Variants in MICU2 observed in about 807,000 individuals in gnomAD.
MICU2 encodes calcium uptake protein 2, mitochondrial.
A neutral mutation model predicts 60.4 loss-of-function variants in MICU2; 64 were observed. The ratio of observed to expected loss-of-function variants is 1.06; its 90% CI spans 0.87 to 1.31. The LOEUF (loss-of-function observed/expected upper bound fraction) is 1.31, where lower values mean the gene tolerates loss of function less well. Ranked by LOEUF, MICU2 falls within the 50% of genes most tolerant of loss-of-function variation. The pLI, the probability that MICU2 is intolerant of heterozygous loss-of-function variation, is 0.00. For synonymous variants in MICU2, 201 were observed against 175.0 expected (o/e 1.15, Z -1.17); for missense variants, 569 against 531.0 (o/e 1.07, Z -0.70).
At chr13:21,587,240 TATA>T (rs1888479625) in intron 1 of MICU2, among the ~76,000 whole-genome samples, 1 of 152,154 alleles carries the variant, frequency 6.6e-6, no homozygotes, top group East Asian at 1.9e-4. Context: ...AGTCCGTAGA[TATA>T]AATGAATAAA....
intron 11 of MICU2, among the ~76,000 whole-genome samples, chr13:21,494,708 T>G (rs1405260112): frequency 2.0e-5 from 3 of 152,194 alleles, no homozygotes; most frequent in Non-Finnish European, 2.9e-5. Flanking sequence ...TCCCTTTTTT[T>G]GTAGAAACAG....
intron 1 of MICU2, among the ~76,000 whole-genome samples, chr13:21,601,264 G>T (rs545263731): frequency 1.3e-5 from 2 of 152,180 alleles, no homozygotes; most frequent in East Asian, 1.9e-4. Flanking sequence ...TAAAGTAGTG[G>T]TAGTAGGCCC....
intron 1 of MICU2, among the ~76,000 whole-genome samples, chr13:21,582,101 A>G (rs1307167901): frequency 1.3e-5 from 2 of 152,228 alleles, no homozygotes; most frequent in Non-Finnish European, 2.9e-5. Flanking sequence ...AGCTTTTAGT[A>G]GAGAAACAAC....
rs557188549 is a variant in MICU2 at position 21,551,392 on chromosome 13, G to A, written c.359-11704C>T. On this transcript the variant is annotated intron_variant, in intron 2 of 11. Coordinates refer to ENST00000382374, the MANE Select transcript of MICU2 (RefSeq NM_152726.3). ...CTGTATTTTTCCAATTTTAGTATAC[G>A]TGCTGCCAAAGCAAGCACACAGACT... is the stretch of plus-strand genomic sequence containing the variant. 1.1e-4 allele frequency: 17 copies of A among 152,354 alleles called. No individual in the cohort carries two copies. The East Asian group carries it at 2.1e-3, about 19-fold the overall frequency. 9.4% of individuals were successfully genotyped at this position (152,354 alleles called of 1,614,324 possible). A position where few individuals can be genotyped will look rare whatever the true frequency, so the allele number is the denominator to read the frequency against.
chr13:21,569,520 GTCT>G (rs1888058857), intron 1 of MICU2, among the ~76,000 whole-genome samples: 1 of 151,972 alleles, frequency 6.6e-6, no homozygotes, highest in Non-Finnish European at 1.5e-5. Context: ...CCTACTATTA[GTCT>G]TTCTGTTCAT....
chr13:21,555,939 T>G (rs1367887449), intron 2 of MICU2, among the ~76,000 whole-genome samples: 1 of 151,666 alleles, frequency 6.6e-6, no homozygotes, highest in East Asian at 1.9e-4. Flanking sequence ...TTTTCCCTCT[T>G]GTCTTCACAA....
At chr13:21,555,209 C>A (rs1159591160) in intron 2 of MICU2, among the ~76,000 whole-genome samples, 3 of 152,010 alleles carry the variant, frequency 2.0e-5, no homozygotes, top group African/African-American at 7.2e-5. Flanking sequence ...CTGGCAGAGA[C>A]ACAACAAAAA....
At chr13:21,531,245 G>C (rs1261374964) in intron 4 of MICU2, 4 of 1,223,650 alleles carry the variant, frequency 3.3e-6, no homozygotes, top group Non-Finnish European at 3.6e-6. Flanking sequence ...CTATAAGAAA[G>C]GAATATTGGA....
chr13:21,587,721 C>A (rs538135134), intron 1 of MICU2, among the ~76,000 whole-genome samples: 2 of 152,302 alleles, frequency 1.3e-5, no homozygotes, highest in African/African-American at 4.8e-5. Flanking sequence ...ACCACTCACT[C>A]ACTTAACAGT....
At chr13:21,546,605 A>G (rs1566155520) in intron 2 of MICU2, among the ~76,000 whole-genome samples, 2 of 152,190 alleles carry the variant, frequency 1.3e-5, no homozygotes, top group African/African-American at 4.8e-5. Flanking sequence ...AGTCTCCTCT[A>G]TTGTGATGAG....
chr13:21,571,005 T>G (rs1487410845), intron 1 of MICU2, among the ~76,000 whole-genome samples: 1 of 152,212 alleles, frequency 6.6e-6, no homozygotes, highest in Non-Finnish European at 1.5e-5. Context: ...CTTTCTTTCT[T>G]CACTTCTTCC....
intron 2 of MICU2, among the ~76,000 whole-genome samples, chr13:21,553,335 G>A (rs1241206994): frequency 2.0e-5 from 3 of 152,116 alleles, no homozygotes; most frequent in African/African-American, 7.2e-5. Flanking sequence ...GGGCTGAGAC[G>A]ATGGGGTTTT....
At chr13:21,546,337 TAA>T (rs1284550175) in intron 2 of MICU2, among the ~76,000 whole-genome samples, 1 of 144,834 alleles carries the variant, frequency 6.9e-6, no homozygotes, top group East Asian at 2.0e-4. Flanking sequence ...TGTGAAATAA[TAA>T]GAGCATTATA....
Position 21,508,622 on chromosome 13 carries a change from T to A in MICU2, c.761+1382A>T, listed in dbSNP as rs114670039. 5.1e-3 allele frequency among the ~76,000 whole-genome samples: 773 copies of A among 152,298 alleles called. 6 individuals are homozygous for A. The highest frequency in any genetic ancestry group is 0.018 in the African/African-American group (728 of 41,568). On this transcript the variant is annotated intron_variant, in intron 8 of 11. Coordinates refer to ENST00000382374, the MANE Select transcript of MICU2 (RefSeq NM_152726.3). ...TAAAACCTTCACACAGGTAAGTTCATACTTCCCAGCCTCCATTCTCCTCAC... is the reference window on the plus strand; with the variant it reads ...TAAAACCTTCACACAGGTAAGTTCAAACTTCCCAGCCTCCATTCTCCTCAC...
chr13:21,534,532 A>G (rs956153239), intron 4 of MICU2, among the ~76,000 whole-genome samples: 2 of 152,144 alleles, frequency 1.3e-5, no homozygotes, highest in African/African-American at 2.4e-5. Flanking sequence ...TGGGAAGAAG[A>G]CCAACATAAA....
intron 1 of MICU2, among the ~76,000 whole-genome samples, chr13:21,577,227 GACTTACATTA>G (rs1302043158): frequency 6.6e-6 from 1 of 152,190 alleles, no homozygotes; most frequent in Non-Finnish European, 1.5e-5. Flanking sequence ...TCACTTGACT[GACTTACATTA>G]ACTTGAGTAA....
intron 2 of MICU2, among the ~76,000 whole-genome samples, chr13:21,541,510 T>G (rs1887282748): frequency 6.6e-6 from 1 of 152,192 alleles, no homozygotes; most frequent in African/African-American, 2.4e-5. Flanking sequence ...ATTTAAATAT[T>G]TGTTGAATGA....
At chr13:21,572,339 C>A (rs1888130192) in intron 1 of MICU2, among the ~76,000 whole-genome samples, 1 of 152,110 alleles carries the variant, frequency 6.6e-6, no homozygotes, top group African/African-American at 2.4e-5. Flanking sequence ...TATACATTTC[C>A]TTAAAATGAG....
At chr13:21,585,758 T>C (rs2138063065) in intron 1 of MICU2, among the ~76,000 whole-genome samples, 1 of 152,330 alleles carries the variant, frequency 6.6e-6, no homozygotes, top group East Asian at 1.9e-4. Flanking sequence ...ATTAATAATA[T>C]AGTTCTGCTT....
Sources: allele counts gnomAD v4.1 joint callset (sites outside exome capture counted in the v4.1 genomes callset), GRCh38; gene constraint gnomAD v4.1.1; transcripts MANE v1.5; gene names NCBI Gene and HGNC (gene_info 2026-07-23, HGNC 2026-07-21).